ADGRL2: variants seen among roughly 807,000 people sequenced by gnomAD.
ADGRL2 encodes the protein adhesion G protein-coupled receptor L2.
A neutral mutation model predicts 157.4 loss-of-function variants in ADGRL2; 44 were observed. The observed-to-expected ratio is 0.28, with a 90% CI of 0.22 to 0.36. ADGRL2 has a LOEUF of 0.36. Ranked by LOEUF, ADGRL2 falls within the 10% of genes least tolerant of loss-of-function variation. The probability of loss-of-function intolerance (pLI) is 1.00; values close to 1 mark genes in which losing one functional copy is unlikely to be tolerated. For synonymous variants in ADGRL2, 585 were observed against 624.7 expected, an observed-to-expected ratio of 0.94 and a Z score of 0.95; for missense variants, 1,510 against 1,768.9, an observed-to-expected ratio of 0.85 and a Z score of 2.63.
intron 1 of ADGRL2, among the ~76,000 whole-genome samples, chr1:81,351,506 G>A (rs932359713): frequency 1.3e-5 from 2 of 151,828 alleles, no homozygotes; most frequent in Admixed American, 1.3e-4. Context: ...ACAAGAAATA[G>A]AAATCTGAAG....
intron 2 of ADGRL2, among the ~76,000 whole-genome samples, chr1:81,784,204 T>G (rs1359157598): frequency 1.3e-5 from 2 of 152,232 alleles, no homozygotes; most frequent in Non-Finnish European, 2.9e-5. Context: ...TCAGATCTTT[T>G]CAACAGATCT....
intron 4 of ADGRL2, among the ~76,000 whole-genome samples, chr1:81,940,182 A>G (rs1647357921): frequency 6.6e-6 from 1 of 151,496 alleles, no homozygotes; most frequent in Non-Finnish European, 1.5e-5. Context: ...TTTTAAATAA[A>G]CATTTTAAAA....
chr1:81,474,046 G>A (rs1359665423), intron 2 of ADGRL2, among the ~76,000 whole-genome samples: 2 of 152,078 alleles, frequency 1.3e-5, no homozygotes, highest in Admixed American at 6.6e-5. Context: ...GGAGATAGAA[G>A]GCAGAGAGCT....
chr1:81,527,411 T>C (rs2079486119), intron 2 of ADGRL2, among the ~76,000 whole-genome samples: 1 of 152,110 alleles, frequency 6.6e-6, no homozygotes, highest in South Asian at 2.1e-4. Context: ...GGGATTAGTG[T>C]CCTTATAAAA....
intron 3 of ADGRL2, among the ~76,000 whole-genome samples, chr1:81,613,182 A>C (rs1349717819): frequency 6.6e-6 from 1 of 152,208 alleles, no homozygotes; most frequent in East Asian, 1.9e-4. Flanking sequence ...TATAGAACTG[A>C]GATCATTTTA....
At position 81,523,166 on chromosome 1, in the gene ADGRL2, G is replaced by A. The variant is rs1206953502; in HGVS notation, c.-247-57710G>A. Among the ~76,000 whole-genome samples the A allele has an allele frequency of 2.6e-5, 4 of 152,150 alleles. No individual in the cohort carries two copies. The East Asian group carries it at 7.7e-4, about 29-fold the overall frequency. On this transcript the variant is annotated intron_variant, in intron 2 of 24. Coordinates refer to the ADGRL2 transcript ENST00000370721. ...AGACCCATACAATGTTCTTGGATGAGAAGATATATCATAAAGATGTCAATT... is the reference window on the plus strand; with the variant it reads ...AGACCCATACAATGTTCTTGGATGAAAAGATATATCATAAAGATGTCAATT...
In ADGRL2 at chr1:81,993,119, T is replaced by TG. The variant is rs1664908410; in HGVS notation, c.*1977dup. Among the ~76,000 whole-genome samples, 4 of 99,464 alleles carry TG rather than the reference T, an allele frequency of 4.0e-5. No homozygotes were observed. The highest frequency in any genetic ancestry group is 1.6e-4 in the African/African-American group (4 of 25,590). 65.3% of individuals were successfully genotyped at this position (99,464 alleles called of 152,430 possible). On this transcript the variant is annotated 3_prime_UTR_variant, in exon 24 of 24. Coordinates refer to ENST00000686636, the MANE Select transcript of ADGRL2 (RefSeq NM_001366006.2). ...TTTTTTTTTTTTTTTTTTTTTTTTT[T>TG]GGGACAGAGTGTCCCTCTGTCACCC... is the stretch of plus-strand genomic sequence containing the variant.
chr1:81,542,005 T>A (rs2079897557), intron 2 of ADGRL2, among the ~76,000 whole-genome samples: 1 of 152,136 alleles, frequency 6.6e-6, no homozygotes, highest in Non-Finnish European at 1.5e-5. Context: ...TATCTTGGAA[T>A]AAACTAAAAG....
At chr1:81,983,350 TG>T (rs539776173) in intron 19 of ADGRL2, among the ~76,000 whole-genome samples, 334 of 152,158 alleles carry the variant, frequency 2.2e-3, no homozygotes, top group Non-Finnish European at 3.7e-3. Flanking sequence ...TGGTTTTAAC[TG>T]CTTGAATGAG....
At chr1:81,689,204 C>T (rs2083285209) in intron 3 of ADGRL2, among the ~76,000 whole-genome samples, 1 of 152,238 alleles carries the variant, frequency 6.6e-6, no homozygotes, top group African/African-American at 2.4e-5. Context: ...GTCTGCCTGA[C>T]TTAGGAAAGT....
chr1:81,622,585 CAA>C (rs535293011), intron 3 of ADGRL2, among the ~76,000 whole-genome samples: 1 of 151,678 alleles, frequency 6.6e-6, no homozygotes, highest in Non-Finnish European at 1.5e-5. Flanking sequence ...CGTCTCAAAA[CAA>C]AAAAACCTAT....
At chr1:81,593,747 C>T (rs2081177534) in intron 3 of ADGRL2, among the ~76,000 whole-genome samples, 2 of 152,106 alleles carry the variant, frequency 1.3e-5, no homozygotes, top group Admixed American at 1.3e-4. Context: ...TTCTTGAGTT[C>T]CTTCTGTAGA....
At chr1:81,616,527 G>A (rs551751362) in intron 3 of ADGRL2, among the ~76,000 whole-genome samples, 52 of 152,098 alleles carry the variant, frequency 3.4e-4, no homozygotes, top group African/African-American at 1.1e-3. Flanking sequence ...TTGTCCATTC[G>A]TTAAGGCCAA....
Position 81,986,899 on chromosome 1 carries a change from A to G in ADGRL2, c.3509-2A>G. 6.2e-7 allele frequency: 1 copy of G among 1,603,436 alleles called. No individual in the cohort carries two copies. The highest frequency in any genetic ancestry group is 8.5e-7 in the Non-Finnish European group (1 of 1,176,230). The stretch of plus-strand genomic sequence containing the variant: ...TTTTGTTGTTTTTTTTTTTTACTTT[A>G]GGAATGACTGGCAATTACCTACTAA... On this transcript the variant is annotated splice_acceptor_variant, in intron 21 of 23. Coordinates refer to ENST00000686636, the MANE Select transcript of ADGRL2 (RefSeq NM_001366006.2). LOFTEE classifies it high-confidence loss of function.
At chr1:81,571,859 A>C (rs931861640) in intron 2 of ADGRL2, among the ~76,000 whole-genome samples, 1 of 152,128 alleles carries the variant, frequency 6.6e-6, no homozygotes, top group Non-Finnish European at 1.5e-5. Flanking sequence ...CTCGACACAT[A>C]TTTGTTGAAT....
At chr1:81,575,448 T>C (rs960168206) in intron 2 of ADGRL2, among the ~76,000 whole-genome samples, 16 of 143,466 alleles carry the variant, frequency 1.1e-4, no homozygotes, top group African/African-American at 3.9e-4. Flanking sequence ...AATCATTTCG[T>C]ATAAATCACT....
intron 1 of ADGRL2, among the ~76,000 whole-genome samples, chr1:81,423,613 T>A (rs1282773722): frequency 6.6e-6 from 1 of 152,258 alleles, no homozygotes. Flanking sequence ...CAGCCCATTT[T>A]TCGACATCGT....
At chr1:81,789,543 T>C (rs1388727088) in intron 2 of ADGRL2, among the ~76,000 whole-genome samples, 1 of 151,938 alleles carries the variant, frequency 6.6e-6, no homozygotes, top group East Asian at 1.9e-4. Flanking sequence ...CTGGCCAACA[T>C]GGTGAAACCC....
chr1:81,911,319 G>A (rs954058933), intron 3 of ADGRL2, among the ~76,000 whole-genome samples: 2 of 151,932 alleles, frequency 1.3e-5, no homozygotes, highest in East Asian at 1.9e-4. Flanking sequence ...TAATTGTTGG[G>A]GGGGGCAACT....
Sources: allele counts gnomAD v4.1 joint callset (sites outside exome capture counted in the v4.1 genomes callset), GRCh38; gene constraint gnomAD v4.1.1; transcripts MANE v1.5; gene names NCBI Gene and HGNC (gene_info 2026-07-23, HGNC 2026-07-21).